The following BRD2 variants were observed in gnomAD, a reference collection of about 807,000 sequenced individuals.
The protein encoded by BRD2 is bromodomain containing 2.
A neutral mutation model predicts 79.1 loss-of-function variants in BRD2; 15 were observed. The ratio of observed to expected loss-of-function variants is 0.19; its 90% CI spans 0.13 to 0.29. BRD2 has a LOEUF of 0.29. Ranked by LOEUF, BRD2 falls within the 10% of genes least tolerant of loss-of-function variation. The pLI is 1.00. For missense variants in BRD2, 1,053 were observed against 991.3 expected (o/e 1.06, Z -0.84); for synonymous variants, 488 against 358.6 (o/e 1.36, Z -4.08).
In BRD2 at chr6:32,974,758, G is replaced by A; in HGVS notation, c.326G>A (p.Gly109Asp). 1 of 1,613,532 alleles carries A rather than the reference G, an allele frequency of 6.2e-7. No homozygotes were observed. Among genetic ancestry groups the A allele is most frequent in the Non-Finnish European group, 8.5e-7 (1 of 1,179,654 alleles). ...CAGCCTGTGGATGCTGTCAAACTGG[G>A]TCTACCGGTGAGTAGAGACATTGGA... is the stretch of plus-strand genomic sequence containing the variant. Reference protein sequence around the residue: ...FRQPVDAVKLGLPDYHKIIKQ... With the variant: ...FRQPVDAVKLDLPDYHKIIKQ... Residue 109 changes from glycine (G) to aspartate (D), a missense_variant, in exon 3 of 13, where the codon GGT becomes GAT. Physicochemically the swap from Gly to Asp is moderately conservative, Grantham distance 94. Coordinates refer to ENST00000374825, the MANE Select transcript of BRD2 (RefSeq NM_005104.4).
intron 2 of BRD2, among the ~76,000 whole-genome samples, chr6:32,973,537 C>T (rs944436906): frequency 1.7e-4 from 26 of 152,090 alleles, no homozygotes; most frequent in Non-Finnish European, 3.8e-4. Context: ...GCTAAGGTTC[C>T]TAGTTCAGCT....
chr6:32,973,213 G>A, intron 2 of BRD2: 1 of 1,472,344 alleles, frequency 6.8e-7, no homozygotes, highest in Non-Finnish European at 9.2e-7. Flanking sequence ...GGAGTGGAGT[G>A]AGGTTGAACA....
rs1778006847 is a variant in BRD2 at position 32,971,752 on chromosome 6, C to T, written c.-1147C>T. On this transcript the variant is annotated 5_prime_UTR_variant, in exon 2 of 13. Transcript: ENST00000374825. ...CTACGAATGGCACGACCTGCTCGAG[C>T]TTGGCAGTCTCCAGTTGGGCTGTGC... 2 of 588,514 alleles carry T rather than the reference C, an allele frequency of 3.4e-6. No individual in the cohort carries two copies. The highest frequency in any genetic ancestry group is 1.9e-5 in the African/African-American group (1 of 52,500). The allele number at this position is 588,514 out of a possible 1,614,324, so 36.5% of individuals were successfully genotyped here.
In BRD2 at chr6:32,976,322, C is replaced by T. The variant is rs1246300942; in HGVS notation, c.683C>T (p.Thr228Ile). ...TCTGTGTCACACACAGCCCTGTATACTCCTCCACCTGAGATACCTACCACT... is the reference window on the plus strand; with the variant it reads ...TCTGTGTCACACACAGCCCTGTATATTCCTCCACCTGAGATACCTACCACT... ...VSSVSHTALY[T>I]PPPEIPTTVL... The change falls in exon 6 of 13, where the codon ACT (threonine) becomes ATT (isoleucine). Residue 228 changes from threonine to isoleucine, a missense_variant. Coordinates refer to ENST00000374825, the MANE Select transcript of BRD2 (RefSeq NM_005104.4). The T allele has an allele frequency of 2.5e-6, 4 of 1,612,948 alleles. No homozygotes were observed. Among genetic ancestry groups the T allele is most frequent in the Non-Finnish European group, 3.4e-6 (4 of 1,180,022 alleles).
At chr6:32,973,908 C>CT (rs1778368084) in intron 2 of BRD2, among the ~76,000 whole-genome samples, 1 of 152,050 alleles carries the variant, frequency 6.6e-6, no homozygotes, top group Admixed American at 6.5e-5. Flanking sequence ...GGTTTCTAGT[C>CT]TATGTTCTGT....
intron 1 of BRD2, chr6:32,969,264 C>T (rs1232585832): frequency 2.9e-6 from 2 of 695,910 alleles, no homozygotes; most frequent in Non-Finnish European, 2.7e-6. Context: ...CCTCATGCCT[C>T]CGTACCCATT....
chr6:32,969,350 C>G, intron 1 of BRD2: 1 of 716,944 alleles, frequency 1.4e-6, no homozygotes, highest in Non-Finnish European at 2.6e-6. Context: ...AGCCGGGAGC[C>G]AGGTGAGAAG....
In BRD2 at chr6:32,974,463, C is replaced by T. The variant is rs1222181698; in HGVS notation, c.31C>T (p.Leu11Phe). 6.2e-7 allele frequency: 1 copy of T among 1,607,602 alleles called. No homozygotes were observed. The highest frequency in any genetic ancestry group is 8.5e-7 in the Non-Finnish European group (1 of 1,175,000). Residue 11 changes from leucine to phenylalanine, a missense_variant and splice_region_variant, in exon 3 of 13, where the codon CTC (leucine) becomes TTC (phenylalanine). Physicochemically the swap from Leu to Phe is conservative, Grantham distance 22. Around this residue, in one of 5 missense-constraint regions of BRD2, gnomAD observed 413 missense variants for 335.1 expected, o/e 1.23. Transcript: ENST00000374825. MLQNVTPHNK[L>F]PGEGNAGLLG... Reference sequence around the variant, plus strand: ...CTAATTTTGTTCCCATCTTTACAGGCTCCCTGGGGAAGGGAATGCAGGGTT... The same window carrying T: ...CTAATTTTGTTCCCATCTTTACAGGTTCCCTGGGGAAGGGAATGCAGGGTT...
rs1355018594 is a variant in BRD2, at chr6:32,979,910, A to G, written c.1924A>G (p.Met642Val). Residue 642 changes from methionine (M) to valine (V), a missense_variant, in exon 11 of 13, where the codon ATG becomes GTG. By Grantham distance (21) the Met-to-Val change is conservative. This residue lies in a region of BRD2 where 44 missense variants were observed against 73.7 expected (regional missense o/e 0.60). Transcript: ENST00000374825. The stretch of plus-strand genomic sequence containing the variant: ...AGAGGAGGAGGAAGAGAGCAGGCCC[A>G]TGAGTTACGATGAGAAGCGGCAGCT... Reference protein sequence around the residue: ...DSEEEEESRPMSYDEKRQLSL... With the variant: ...DSEEEEESRPVSYDEKRQLSL... 6 of 1,613,092 alleles carry G rather than the reference A, an allele frequency of 3.7e-6. No individual in the cohort carries two copies. Among genetic ancestry groups the G allele is most frequent in the Non-Finnish European group, 5.1e-6 (6 of 1,180,042 alleles).
At position 32,968,989 on chromosome 6, in the gene BRD2, C is replaced by T. The variant is rs1219451087; in HGVS notation, c.-1372C>T. 1 of 279,164 alleles carries T rather than the reference C, an allele frequency of 3.6e-6. No homozygotes were observed. The highest frequency in any genetic ancestry group is 6.8e-6 in the Non-Finnish European group (1 of 147,842). 17.3% of individuals were successfully genotyped at this position (279,164 alleles called of 1,614,324 possible). On this transcript the variant is annotated 5_prime_UTR_variant, in exon 1 of 13. Transcript: ENST00000374825. ...CGTTTTCTGGGGGGGGGTTGACACCCCGGATTACATACCCCGTACCAAGCC... is the reference window on the plus strand; with the variant it reads ...CGTTTTCTGGGGGGGGGTTGACACCTCGGATTACATACCCCGTACCAAGCC...
At position 32,975,648 on chromosome 6, in the gene BRD2, G is replaced by T. The variant is rs955870968; in HGVS notation, c.471+127G>T. On this transcript the variant is annotated intron_variant, in intron 4 of 12. Coordinates refer to ENST00000374825, the MANE Select transcript of BRD2 (RefSeq NM_005104.4). Reference sequence around the variant, plus strand: ...AGGTGTTATCCAGGTAGGGTAGTCGGAGTCTTAAAAACCTGACTCTAGATG... The same window carrying T: ...AGGTGTTATCCAGGTAGGGTAGTCGTAGTCTTAAAAACCTGACTCTAGATG... 2.4e-6 allele frequency: 3 copies of T among 1,243,054 alleles called. No homozygotes were observed. In the African/African-American group the frequency reaches 4.6e-5, roughly 19 times the overall value. The allele number at this position is 1,243,054 out of a possible 1,614,324, so 77.0% of individuals were successfully genotyped here. A position where few individuals can be genotyped will look rare whatever the true frequency, so the allele number is the denominator to read the frequency against.
chr6:32,972,814 G>A lies in BRD2; in HGVS notation c.-85G>A, dbSNP rs959266138. The A allele has an allele frequency of 2.5e-6, 4 of 1,602,410 alleles. No individual in the cohort carries two copies. The highest frequency in any genetic ancestry group is 2.7e-5 in the African/African-American group (2 of 74,806). On this transcript the variant is annotated 5_prime_UTR_variant, in exon 2 of 13. Coordinates refer to ENST00000374825, the MANE Select transcript of BRD2 (RefSeq NM_005104.4). The stretch of plus-strand genomic sequence containing the variant: ...GGAACGGCCTCCCCCCAACTTAGCG[G>A]GTTATGCTGGACCGGGCGGTGAGGG...
Position 32,972,422 on chromosome 6 carries a change from ACC to A in BRD2, c.-473_-472del. ...CCCGCCCAATCCTCGGAGTCTGTCC[ACC>A]CCCTCTACTCCGCCCTCAAGAGGAT... On this transcript the variant is annotated 5_prime_UTR_variant, in exon 2 of 13. An upstream open reading frame in the 5' UTR loses its in-frame stop. Coordinates refer to ENST00000374825, the MANE Select transcript of BRD2 (RefSeq NM_005104.4). The A allele has an allele frequency of 3.4e-6, 1 of 293,236 alleles. No individual in the cohort carries two copies. The highest frequency in any genetic ancestry group is 6.6e-6 in the Non-Finnish European group (1 of 152,326). The allele number at this position is 293,236 out of a possible 1,614,324, so 18.2% of individuals were successfully genotyped here.
Position 32,976,547 on chromosome 6 carries a change from T to G in BRD2, c.826-15T>G. ...GCTTGGAGTGACAGGTTCCCTATCT[T>G]GTTTCTTTCTGCAGAAAAAAGGCGT... On this transcript the variant is annotated splice_polypyrimidine_tract_variant and intron_variant, in intron 6 of 12. Coordinates refer to ENST00000374825, the MANE Select transcript of BRD2 (RefSeq NM_005104.4). 6.3e-7 allele frequency: 1 copy of G among 1,591,162 alleles called. No individual in the cohort carries two copies. The highest frequency in any genetic ancestry group is 1.1e-5 in the South Asian group (1 of 90,576).
chr6:32,977,269 TTTC>T, intron 7 of BRD2, 170 bp from the exon 8 acceptor site: 1 of 1,558,706 alleles, frequency 6.4e-7, no homozygotes, highest in Non-Finnish European at 8.6e-7. Context: ...GACATAAATA[TTTC>T]TTCAACCCAC....
intron 10 of BRD2, 61 bp downstream of exon 10, chr6:32,978,449 T>C: frequency 3.2e-6 from 5 of 1,568,114 alleles, no homozygotes; most frequent in Non-Finnish European, 4.3e-6. Flanking sequence ...GGGGATGCCA[T>C]CTCTCTTTGC....
chr6:32,972,898 G>C lies in BRD2; in HGVS notation c.-1G>C, dbSNP rs767534205. 6 of 1,614,094 alleles carry C rather than the reference G, an allele frequency of 3.7e-6. No individual in the cohort carries two copies. In the East Asian group the frequency reaches 1.3e-4, roughly 36 times the overall value. The stretch of plus-strand genomic sequence containing the variant: ...GGCAGCGCCGGTTCCTTGCGGTCAA[G>C]ATGCTGCAAAACGTGACTCCCCACA... On this transcript the variant is annotated 5_prime_UTR_variant, in exon 2 of 13. Transcript: ENST00000374825.
Position 32,980,605 on chromosome 6 carries a change from T to A in BRD2, c.2293T>A (p.Ser765Thr). The change falls in exon 13 of 13, where the codon TCT becomes ACT. Residue 765 changes from serine (S) to threonine (T), a missense_variant. By Grantham distance (58) the Ser-to-Thr change is moderately conservative (BLOSUM62 1). This residue lies in a region of BRD2 where 139 missense variants were observed against 133.2 expected (regional missense o/e 1.04). Transcript: ENST00000374825. Reference sequence around the variant, plus strand: ...AGCGAATGAGAAAACAGAGTCATCCTCTGCACAGCAAGTAGCAGTGTCACG... The same window carrying A: ...AGCGAATGAGAAAACAGAGTCATCCACTGCACAGCAAGTAGCAGTGTCACG... ...KKANEKTESS[S>T]AQQVAVSRLS... is the part of the protein sequence containing the mutation. 6.2e-7 allele frequency: 1 copy of A among 1,612,856 alleles called. No individual in the cohort carries two copies. Among genetic ancestry groups the A allele is most frequent in the South Asian group, 1.1e-5 (1 of 91,090 alleles).
At position 32,972,712 on chromosome 6, in the gene BRD2, C is replaced by T. The variant is rs950054593; in HGVS notation, c.-187C>T. ...CGTCTGCAGAGCGCGCCAAGCTGCC[C>T]GGAGCTCTCCGAGAGGCCCCAAAGA... On this transcript the variant is annotated 5_prime_UTR_variant, in exon 2 of 13. Coordinates refer to ENST00000374825, the MANE Select transcript of BRD2 (RefSeq NM_005104.4). The T allele has an allele frequency of 1.2e-5, 10 of 827,782 alleles. No homozygotes were observed. Among genetic ancestry groups the T allele is most frequent in the Non-Finnish European group, 1.9e-5 (10 of 531,964 alleles). The allele number at this position is 827,782 out of a possible 1,614,324, so 51.3% of individuals were successfully genotyped here.
Sources: gnomAD v4.1 joint callset for allele counts (sites outside exome capture counted in the v4.1 genomes callset) on GRCh38, gnomAD v4.1.1 for gene constraint, gnomAD v4.1.1 regional missense constraint, MANE v1.5 for transcripts, NCBI Gene and HGNC (gene_info 2026-07-23, HGNC 2026-07-21) for gene names.